Variants in HIBCH observed in about 807,000 individuals in gnomAD.
The protein encoded by HIBCH is 3-hydroxyisobutyryl-CoA hydrolase, mitochondrial.
In HIBCH, 50 loss-of-function variants were observed where a neutral mutation model predicts 58.2. The ratio of observed to expected loss-of-function variants is 0.86; its 90% CI spans 0.68 to 1.09. HIBCH has a LOEUF of 1.09. Ranked by LOEUF, HIBCH falls within the 50% of genes least tolerant of loss-of-function variation. HIBCH has a pLI of 0.00. For synonymous variants in HIBCH, 151 were observed against 146.9 expected (o/e 1.03, Z -0.20); for missense variants, 450 against 449.7 (o/e 1.00, Z -0.01).
rs143746450 is a variant in HIBCH, at chr2:190,246,153, C to A, written c.809+1G>T. 2 of 1,544,990 alleles carry A rather than the reference C, an allele frequency of 1.3e-6. No homozygotes were observed. The highest frequency in any genetic ancestry group is 1.8e-6 in the Non-Finnish European group (2 of 1,118,316). ...TATAACTGAGATCTCTTTTTAGGTA[C>A]CTGTTTATTTTGTCCATGTGTTCCT... is the stretch of plus-strand genomic sequence containing the variant. On this transcript the variant is annotated splice_donor_variant, in intron 10 of 13. Coordinates refer to ENST00000359678, the MANE Select transcript of HIBCH (RefSeq NM_014362.4). LOFTEE classifies it high-confidence loss of function.
chr2:190,254,520 C>A lies in HIBCH; in HGVS notation c.518-2213G>T, dbSNP rs1317867302. Among the ~76,000 whole-genome samples, 1 of 152,172 alleles carries A rather than the reference C, an allele frequency of 6.6e-6. No individual in the cohort carries two copies. ...TTAATACACTGCGAAATCACTCATG[C>A]CTTCTCCCGTGAACACTGAACTCTT... On this transcript the variant is annotated intron_variant, in intron 7 of 13. Transcript: ENST00000359678. The surrounding 1 kb of genome is among the most constrained non-coding windows in gnomAD (Gnocchi z 5.0).
At chr2:190,239,101 C>T (rs1356187487) in intron 11 of HIBCH, among the ~76,000 whole-genome samples, 2 of 152,064 alleles carry the variant, frequency 1.3e-5, no homozygotes, top group Non-Finnish European at 2.9e-5. Flanking sequence ...GGTTTTAGGT[C>T]TTATGTTTAA....
chr2:190,262,183 G>T (rs1015430841), intron 6 of HIBCH, among the ~76,000 whole-genome samples: 1 of 140,530 alleles, frequency 7.1e-6, no homozygotes, highest in Admixed American at 7.0e-5. Context: ...AAAAAGAAAA[G>T]AAAAGAAAAG....
chr2:190,316,592 T>G (rs1169227950), intron 1 of HIBCH, among the ~76,000 whole-genome samples: 2 of 152,164 alleles, frequency 1.3e-5, no homozygotes, highest in African/African-American at 2.4e-5. Flanking sequence ...GGGTCTATAT[T>G]CTATAAGGGC....
intron 8 of HIBCH, among the ~76,000 whole-genome samples, chr2:190,250,027 T>C (rs1208486186): frequency 2.0e-5 from 3 of 152,228 alleles, no homozygotes; most frequent in African/African-American, 7.2e-5. Flanking sequence ...TTATTTTATT[T>C]TTAATTAATT....
At chr2:190,319,485 G>A (rs958217201) in intron 1 of HIBCH, among the ~76,000 whole-genome samples, 1 of 151,816 alleles carries the variant, frequency 6.6e-6, no homozygotes, top group East Asian at 1.9e-4. Context: ...CCTGAATTAA[G>A]AGCCAGAGTG....
chr2:190,229,663 T>C (rs1159649190), intron 11 of HIBCH, among the ~76,000 whole-genome samples: 2 of 152,222 alleles, frequency 1.3e-5, no homozygotes, highest in Admixed American at 6.5e-5. Flanking sequence ...ATAATATGAA[T>C]TGCAAATTTT....
intron 9 of HIBCH, 69 bp downstream of exon 9, chr2:190,249,571 C>T (rs1686705312): frequency 4.8e-6 from 4 of 829,296 alleles, no homozygotes; most frequent in Non-Finnish European, 8.2e-6. Flanking sequence ...TATTCACCAA[C>T]TGCCAGTTTT....
At chr2:190,195,544 C>T (rs1689930133) in intron 1 of HIBCH, among the ~76,000 whole-genome samples, 1 of 152,182 alleles carries the variant, frequency 6.6e-6, no homozygotes, top group African/African-American at 2.4e-5. Flanking sequence ...TATGTGCCAC[C>T]TATATGTAAG....
chr2:190,253,719 T>C (rs1269418446), intron 7 of HIBCH, among the ~76,000 whole-genome samples: 1 of 152,222 alleles, frequency 6.6e-6, no homozygotes, highest in East Asian at 1.9e-4. Flanking sequence ...CTATTTCTCC[T>C]GGATTAAAAC....
chr2:190,209,569 A>C lies in HIBCH; in HGVS notation c.1012-656T>G, dbSNP rs1690469892. ...CTCTGACTTCTTTAAAAATACGAGA[A>C]GCTCTTAGATATGAAGTCTTGTCTT... On this transcript the variant is annotated intron_variant, in intron 12 of 13. Transcript: ENST00000359678. The surrounding 1 kb of genome is among the most constrained non-coding windows in gnomAD (Gnocchi z 5.6). Among the ~76,000 whole-genome samples, 1 of 150,192 alleles carries C rather than the reference A, an allele frequency of 6.7e-6. No individual in the cohort carries two copies. Among genetic ancestry groups the C allele is most frequent in the Non-Finnish European group, 1.5e-5 (1 of 68,002 alleles).
chr2:190,213,861 T>C (rs1690571015), intron 11 of HIBCH: 1 of 152,062 alleles, frequency 6.6e-6, no homozygotes, highest in African/African-American at 2.4e-5. Flanking sequence ...ACCTGTGCAC[T>C]AGGAGGTTAA....
chr2:190,250,207 A>G, intron 8 of HIBCH: 1 of 350,062 alleles, frequency 2.9e-6, no homozygotes, highest in South Asian at 2.4e-5. Flanking sequence ...TGCCCCTGTG[A>G]TTTCATTAAA....
At position 190,298,063 on chromosome 2, in the gene HIBCH, T is replaced by C. The variant is rs146275454; in HGVS notation, c.79-1110A>G. Among the ~76,000 whole-genome samples the C allele has an allele frequency of 5.6e-3, 846 of 152,290 alleles. 8 individuals are homozygous for C. Among genetic ancestry groups the C allele is most frequent in the Middle Eastern group, 0.01 (3 of 294 alleles). ...GAATGATAGTTTACAGCTTTATCCA[T>C]GTCCCTGCGAAGGACATGAGCTCAT... On this transcript the variant is annotated intron_variant, in intron 2 of 13. Transcript: ENST00000359678.
At position 190,304,449 on chromosome 2, in the gene HIBCH, GTC is replaced by G. The variant is rs2124844845; in HGVS notation, c.78+6303_78+6304del. ...TCTTACTTGTCTTATAAAGCCACCA[GTC>G]TCACTCCCATAACCCCATTAATCAA... On this transcript the variant is annotated intron_variant, in intron 2 of 13. Coordinates refer to ENST00000359678, the MANE Select transcript of HIBCH (RefSeq NM_014362.4). The surrounding 1 kb of genome is among the most constrained non-coding windows in gnomAD (Gnocchi z 4.1). Among the ~76,000 whole-genome samples the G allele has an allele frequency of 1.3e-5, 2 of 152,176 alleles. No homozygotes were observed. The highest frequency in any genetic ancestry group is 4.2e-4 in the South Asian group (2 of 4,818).
chr2:190,208,451 T>C (rs990328755), intron 13 of HIBCH, among the ~76,000 whole-genome samples: 2 of 152,214 alleles, frequency 1.3e-5, no homozygotes, highest in Non-Finnish European at 2.9e-5. Context: ...TTACCTTATA[T>C]ATAAATTAGG....
intron 6 of HIBCH, among the ~76,000 whole-genome samples, chr2:190,284,585 G>A (rs751780423): frequency 2.0e-5 from 3 of 152,026 alleles, no homozygotes; most frequent in African/African-American, 4.8e-5. Flanking sequence ...ACTAAATAAC[G>A]ACTTAGTTGG....
At chr2:190,255,796 G>T (rs1290514177) in intron 7 of HIBCH, among the ~76,000 whole-genome samples, 1 of 152,048 alleles carries the variant, frequency 6.6e-6, no homozygotes, top group Non-Finnish European at 1.5e-5. Context: ...GAGATCTGCA[G>T]GGTGTCTCTT....
chr2:190,286,999 T>C (rs1687845590), intron 6 of HIBCH, among the ~76,000 whole-genome samples: 2 of 151,028 alleles, frequency 1.3e-5, no homozygotes, highest in African/African-American at 2.4e-5. Flanking sequence ...AAAAACTTGC[T>C]AATTCAAAAA....
Sources: gnomAD v4.1 joint callset for allele counts (sites outside exome capture counted in the v4.1 genomes callset) on GRCh38, gnomAD v4.1.1 for gene constraint, Gnocchi (gnomAD v3.1) non-coding constraint, MANE v1.5 for transcripts, NCBI Gene and HGNC (gene_info 2026-07-23, HGNC 2026-07-21) for gene names.